UBXN7: variants seen among roughly 807,000 people sequenced by gnomAD.
UBXN7 encodes the protein UBX domain protein 7, also known as UBX domain-containing protein 7.
A neutral mutation model predicts 58.0 loss-of-function variants in UBXN7; 9 were observed. The ratio of observed to expected loss-of-function variants is 0.16; its 90% CI spans 0.09 to 0.27. UBXN7 has a LOEUF of 0.27. Ranked by LOEUF, UBXN7 falls within the 10% of genes least tolerant of loss-of-function variation. UBXN7 has a pLI of 1.00. For missense variants in UBXN7, 328 were observed against 599.6 expected, an observed-to-expected ratio of 0.55 and a Z score of 4.73; for synonymous variants, 208 against 205.0, an observed-to-expected ratio of 1.01 and a Z score of -0.12.
chr3:196,365,801 CG>C (rs1728647794), intron 8 of UBXN7, among the ~76,000 whole-genome samples: 1 of 152,032 alleles, frequency 6.6e-6, no homozygotes, highest in African/African-American at 2.4e-5. Flanking sequence ...CAAGTAGTCA[CG>C]TATCTACCGA....
chr3:196,423,496 C>T, intron 1 of UBXN7: 1 of 218,806 alleles, frequency 4.6e-6, no homozygotes, highest in Non-Finnish European at 9.3e-6. Flanking sequence ...TGTTCCCCTC[C>T]TGCCTGACCA....
rs193193538 is a variant in UBXN7, at chr3:196,397,984, C to T, written c.290-4365G>A. Reference sequence around the variant, plus strand: ...ACAGCCCCCAATTTTCCCTGTCTCCCAGTATTGATAACCTGTGGGTGAATA... The same window carrying T: ...ACAGCCCCCAATTTTCCCTGTCTCCTAGTATTGATAACCTGTGGGTGAATA... On this transcript the variant is annotated intron_variant, in intron 3 of 10. Coordinates refer to ENST00000296328, the MANE Select transcript of UBXN7 (RefSeq NM_015562.2). Among the ~76,000 whole-genome samples the T allele has an allele frequency of 1.6e-4, 25 of 152,294 alleles. No homozygotes were observed. In the East Asian group the frequency reaches 2.9e-3, roughly 18 times the overall value.
At chr3:196,400,143 G>A (rs1279123774) in intron 3 of UBXN7, 1 of 151,906 alleles carries the variant, frequency 6.6e-6, no homozygotes, top group African/African-American at 2.4e-5. Context: ...CTGATCACTA[G>A]TGGGATCACG....
At chr3:196,425,666 G>A (rs1730825321) in intron 1 of UBXN7, among the ~76,000 whole-genome samples, 1 of 151,978 alleles carries the variant, frequency 6.6e-6, no homozygotes, top group Non-Finnish European at 1.5e-5. Context: ...ATCTCTTGAG[G>A]TCCATTTATT....
chr3:196,391,104 A>G (rs927653291), intron 5 of UBXN7, among the ~76,000 whole-genome samples: 2 of 152,196 alleles, frequency 1.3e-5, no homozygotes, highest in African/African-American at 4.8e-5. Flanking sequence ...CAAACACATT[A>G]CGATCCGCAC....
At position 196,407,448 on chromosome 3, in the gene UBXN7, C is replaced by T. The variant is rs1253199159; in HGVS notation, c.74-55G>A. The T allele has an allele frequency of 1.3e-5, 19 of 1,470,102 alleles. No individual in the cohort carries two copies. In the South Asian group the frequency reaches 2.0e-4, roughly 16 times the overall value. The allele number at this position is 1,470,102 out of a possible 1,614,324, so 91.1% of individuals were successfully genotyped here. ...TAAAAAAAAAAAAAAAAAAGACAGCCTCTTTCTTCAGCTCATATTAGAATT... is the reference window on the plus strand; with the variant it reads ...TAAAAAAAAAAAAAAAAAAGACAGCTTCTTTCTTCAGCTCATATTAGAATT... On this transcript the variant is annotated intron_variant, in intron 1 of 10. Transcript: ENST00000296328.
At chr3:196,360,388 G>A (rs1043138987) in intron 10 of UBXN7, among the ~76,000 whole-genome samples, 1 of 152,328 alleles carries the variant, frequency 6.6e-6, no homozygotes, top group Admixed American at 6.5e-5. Context: ...GGGTAATGCA[G>A]CTGGTGACTT....
intron 10 of UBXN7, among the ~76,000 whole-genome samples, chr3:196,360,868 A>G (rs2108826710): frequency 6.6e-6 from 1 of 152,272 alleles, no homozygotes; most frequent in Non-Finnish European, 1.5e-5. Context: ...TAAAAAAAAG[A>G]AAATTAATTG....
chr3:196,362,710 A>T, intron 8 of UBXN7, 23 bp from the exon 9 acceptor site: 1 of 1,570,562 alleles, frequency 6.4e-7, no homozygotes, highest in Non-Finnish European at 8.6e-7. Flanking sequence ...GTCATAAAAC[A>T]CAGGAAAAAG....
intron 1 of UBXN7, among the ~76,000 whole-genome samples, chr3:196,426,216 T>C (rs1730843416): frequency 6.6e-6 from 1 of 151,836 alleles, no homozygotes; most frequent in Admixed American, 6.6e-5. Context: ...AAACCCCATC[T>C]CCATTAAAAA....
intron 5 of UBXN7, among the ~76,000 whole-genome samples, chr3:196,385,777 C>A (rs1230792504): frequency 2.0e-5 from 3 of 150,754 alleles, no homozygotes; most frequent in African/African-American, 7.3e-5. Context: ...CGGCCAGCCG[C>A]CCCGTCTGGG....
At chr3:196,379,648 G>GC (rs1420392886) in intron 5 of UBXN7, among the ~76,000 whole-genome samples, 1 of 152,168 alleles carries the variant, frequency 6.6e-6, no homozygotes, top group Non-Finnish European at 1.5e-5. Context: ...CATCTGTATG[G>GC]CGAGCGCCAT....
chr3:196,383,655 C>T (rs189730961), intron 5 of UBXN7, among the ~76,000 whole-genome samples: 14 of 152,330 alleles, frequency 9.2e-5, no homozygotes, highest in Admixed American at 9.2e-4. Context: ...TCATTCAAAA[C>T]TGCACAACTA....
chr3:196,420,014 G>A (rs1730629897), intron 1 of UBXN7, among the ~76,000 whole-genome samples: 6 of 152,152 alleles, frequency 3.9e-5, no homozygotes, highest in Admixed American at 3.9e-4. Flanking sequence ...GCTAAATGAT[G>A]TAAGTGAGGG....
intron 10 of UBXN7, among the ~76,000 whole-genome samples, chr3:196,357,485 A>G (rs2108824762): frequency 6.6e-6 from 1 of 152,356 alleles, no homozygotes; most frequent in African/African-American, 2.4e-5. Flanking sequence ...AGTTAAAAAC[A>G]GAGGGTGTCG....
At chr3:196,361,070 T>C (rs1157485048) in intron 10 of UBXN7, among the ~76,000 whole-genome samples, 2 of 152,126 alleles carry the variant, frequency 1.3e-5, no homozygotes, top group African/African-American at 4.8e-5. Flanking sequence ...TTAAGAACAT[T>C]CACAACTCAT....
chr3:196,402,068 C>T (rs1730013045), intron 3 of UBXN7, among the ~76,000 whole-genome samples: 1 of 152,172 alleles, frequency 6.6e-6, no homozygotes, highest in South Asian at 2.1e-4. Flanking sequence ...GCTGCCCAGA[C>T]TGGAGTGCAG....
intron 1 of UBXN7, among the ~76,000 whole-genome samples, chr3:196,415,906 T>C (rs1235338939): frequency 1.3e-5 from 2 of 152,180 alleles, no homozygotes; most frequent in African/African-American, 4.8e-5. Flanking sequence ...GCACAATCTG[T>C]TAACATCTGC....
At chr3:196,412,843 G>T (rs1171926688) in intron 1 of UBXN7, among the ~76,000 whole-genome samples, 1 of 152,158 alleles carries the variant, frequency 6.6e-6, no homozygotes, top group Admixed American at 6.6e-5. Flanking sequence ...TTCTACTTAT[G>T]TGAGACATTT....
Sources: allele counts gnomAD v4.1 joint callset (sites outside exome capture counted in the v4.1 genomes callset), GRCh38; gene constraint gnomAD v4.1.1; transcripts MANE v1.5; gene names NCBI Gene and HGNC (gene_info 2026-07-23, HGNC 2026-07-21).